Variants in RPS20 observed in about 807,000 individuals in gnomAD.
RPS20 encodes ribosomal protein S20.
Under a neutral mutation model 15.3 loss-of-function variants are expected in RPS20, and 3 were observed. The observed-to-expected ratio is 0.20, with a 90% CI of 0.09 to 0.51. The LOEUF is 0.51. Ranked by LOEUF, RPS20 falls within the 20% of genes least tolerant of loss-of-function variation. The pLI is 0.96. For missense variants in RPS20, 67 were observed against 145.9 expected, an observed-to-expected ratio of 0.46 and a Z score of 2.79; for synonymous variants, 62 against 47.8, an observed-to-expected ratio of 1.30 and a Z score of -1.23.
At chr8:56,067,262 T>TACTCATGTTTATTATAGCATTATTCACAA (rs1809635704), downstream of RPS20, 1 of 152,242 alleles carries the variant, frequency 6.6e-6, no homozygotes, top group Non-Finnish European at 1.5e-5. Context: ...CATATTTGCA[T>TACTCATGTTTATTATAGCATTATTCACAA]ACTCATGTTT....
downstream of RPS20, chr8:56,069,783 G>C (rs1376020057): frequency 3.9e-6 from 6 of 1,551,130 alleles, no homozygotes; most frequent in Non-Finnish European, 5.2e-6. Flanking sequence ...TTCTCAAAGT[G>C]TACTGCTGGC....
At chr8:56,070,272 C>T (rs1017282020), downstream of RPS20, among the ~76,000 whole-genome samples, 4 of 152,132 alleles carry the variant, frequency 2.6e-5, no homozygotes, top group African/African-American at 9.7e-5. Context: ...CCTCATTTGG[C>T]ACATAACTGA....
chr8:56,072,084 A>C (rs1265552511), downstream of RPS20, among the ~76,000 whole-genome samples: 1 of 152,156 alleles, frequency 6.6e-6, no homozygotes, highest in African/African-American at 2.4e-5. Flanking sequence ...CTCTACAAAA[A>C]ACAATTAGCT....
downstream of RPS20, among the ~76,000 whole-genome samples, chr8:56,070,452 C>G (rs16920293): frequency 5.6e-3 from 860 of 152,216 alleles, 11 homozygotes; most frequent in African/African-American, 0.019. Context: ...AAATCTAATC[C>G]AGTCTGGGTA....
At chr8:56,070,815 C>T (rs1809733051), downstream of RPS20, among the ~76,000 whole-genome samples, 1 of 151,846 alleles carries the variant, frequency 6.6e-6, no homozygotes, top group Admixed American at 6.6e-5. Flanking sequence ...TGCTAGCTTA[C>T]ATTTCTACAC....
In RPS20 at chr8:56,074,363, C is replaced by T; in HGVS notation, c.3+18G>A. 3 of 1,554,414 alleles carry T rather than the reference C, an allele frequency of 1.9e-6. No individual in the cohort carries two copies. The highest frequency in any genetic ancestry group is 2.6e-6 in the Non-Finnish European group (3 of 1,155,602). On this transcript the variant is annotated intron_variant, in intron 1 of 3. Transcript: ENST00000009589. Reference sequence around the variant, plus strand: ...CCGAGCCCTGCGTTGCGCCGCCCGCCGCCGACTGCCGCCTCACCATGGCTG... The same window carrying T: ...CCGAGCCCTGCGTTGCGCCGCCCGCTGCCGACTGCCGCCTCACCATGGCTG...
rs1467125889 is a variant in RPS20 at position 56,073,762 on chromosome 8, G to A, written c.110C>T (p.Ala37Val). The change falls in exon 3 of 4, where the codon GCT becomes GTT. Residue 37 changes from alanine to valine, a missense_variant. By Grantham distance (64) the Ala-to-Val change is moderately conservative. Coordinates refer to ENST00000009589, the MANE Select transcript of RPS20 (RefSeq NM_001023.4). ...TTCTTTTGCGCCTCTTATCAAGTCA[G>A]CACACACTACAGGAAATAAAAGACC... ...RNVKSLEKVC[A>V]DLIRGAKEKN... 6.2e-7 allele frequency: 1 copy of A among 1,613,746 alleles called. No homozygotes were observed. The highest frequency in any genetic ancestry group is 8.5e-7 in the Non-Finnish European group (1 of 1,179,796).
Position 56,073,816 on chromosome 8 carries a change from G to A in RPS20, c.104-48C>T, listed in dbSNP as rs183075243. On this transcript the variant is annotated intron_variant, in intron 2 of 3. Coordinates refer to ENST00000009589, the MANE Select transcript of RPS20 (RefSeq NM_001023.4). Reference sequence around the variant, plus strand: ...CAGTATAATCGAAACAATTAAAATCGGCTTAAGGCCTTCACTTCTGCTGGC... The same window carrying A: ...CAGTATAATCGAAACAATTAAAATCAGCTTAAGGCCTTCACTTCTGCTGGC... The A allele has an allele frequency of 4.3e-5, 67 of 1,542,704 alleles. No homozygotes were observed. In the East Asian group the frequency reaches 8.5e-4, roughly 20 times the overall value.
downstream of RPS20, among the ~76,000 whole-genome samples, chr8:56,072,067 ACC>A (rs1809776690): frequency 6.6e-6 from 1 of 151,970 alleles, no homozygotes; most frequent in Admixed American, 6.6e-5. Context: ...ACATGGCAAA[ACC>A]TCACCTCTAC....
Position 56,073,700 on chromosome 8 carries a change from T to C in RPS20, c.172A>G (p.Thr58Ala), listed in dbSNP as rs761646094. 1.2e-6 allele frequency: 2 copies of C among 1,613,460 alleles called. No homozygotes were observed. The change falls in exon 3 of 4, where the codon ACC (threonine) becomes GCC (alanine). Residue 58 changes from threonine (T) to alanine (A), a missense_variant. Coordinates refer to ENST00000009589, the MANE Select transcript of RPS20 (RefSeq NM_001023.4). Reference sequence around the variant, plus strand: ...GCCCCTCCGATTTACTTTACCTTGGTAGGCATTCGAACTGGTCCTTTCACT... The same window carrying C: ...GCCCCTCCGATTTACTTTACCTTGGCAGGCATTCGAACTGGTCCTTTCACT... ...LKVKGPVRMPTKTLRITTRKT... is the reference protein window; with the variant it reads ...LKVKGPVRMPAKTLRITTRKT...
downstream of RPS20, chr8:56,069,590 C>T (rs965823166): frequency 1.4e-5 from 11 of 780,000 alleles, no homozygotes; most frequent in African/African-American, 1.5e-4. Flanking sequence ...TGAGCCACCC[C>T]GCCCAGCCAT....
At chr8:56,071,188 C>G (rs1389848440), downstream of RPS20, among the ~76,000 whole-genome samples, 1 of 152,188 alleles carries the variant, frequency 6.6e-6, no homozygotes, top group Non-Finnish European at 1.5e-5. Context: ...AGCTGTCCTT[C>G]CACTATTTTC....
chr8:56,067,891 T>C (rs1393288934), exon 6 of RPS20: 1 of 152,106 alleles, frequency 6.6e-6, no homozygotes, highest in Non-Finnish European at 1.5e-5. Context: ...AGTTAGTGTT[T>C]AATGGGTAAG....
chr8:56,071,695 G>A (rs528389108), downstream of RPS20, among the ~76,000 whole-genome samples: 2 of 152,322 alleles, frequency 1.3e-5, no homozygotes, highest in South Asian at 4.1e-4. Flanking sequence ...GGTTGCAGGT[G>A]CCTAGCATGC....
chr8:56,071,658 T>G (rs1809759075), downstream of RPS20, among the ~76,000 whole-genome samples: 1 of 152,184 alleles, frequency 6.6e-6, no homozygotes, highest in African/African-American at 2.4e-5. Flanking sequence ...AAGATTTCAT[T>G]TTAGACACAT....
chr8:56,074,017 T>A (rs374160590), intron 2 of RPS20, 43 bp downstream of exon 2: 1 of 1,470,734 alleles, frequency 6.8e-7, no homozygotes, highest in African/African-American at 1.4e-5. Flanking sequence ...CTCGTCGCTT[T>A]TCGCCCAATT....
chr8:56,073,372 T>C lies in RPS20; in HGVS notation c.178-100A>G, dbSNP rs570923381. ...TTCTAATCATTTCATTAGTTTCCCT[T>C]TGGTATGATTCCAATTTACACTAAT... On this transcript the variant is annotated intron_variant, in intron 3 of 3. Transcript: ENST00000009589. The C allele has an allele frequency of 1.7e-4, 140 of 826,036 alleles. 3 individuals are homozygous for C. In the South Asian group the frequency reaches 2.2e-3, roughly 13 times the overall value. The allele number at this position is 826,036 out of a possible 1,614,324, so 51.2% of individuals were successfully genotyped here. A position where few individuals can be genotyped will look rare whatever the true frequency, so the allele number is the denominator to read the frequency against.
chr8:56,073,594 C>A, intron 3 of RPS20, 101 bp downstream of exon 3: 1 of 909,212 alleles, frequency 1.1e-6, no homozygotes, highest in Admixed American at 1.7e-5. Context: ...TTGTAGACAG[C>A]ATCAGTGTTA....
Position 56,074,126 on chromosome 8 carries a change from G to A in RPS20, c.37C>T (p.Pro13Ser), listed in dbSNP as rs1266062476. Residue 13 changes from proline to serine, a missense_variant, in exon 2 of 4, where the codon CCG becomes TCG. Coordinates refer to ENST00000009589, the MANE Select transcript of RPS20 (RefSeq NM_001023.4). ...CGAATTCGGTGAATTGCCACCTCCG[G>A]CTCCACGGGTGTTTTTCCGGTATCC... ...FKDTGKTPVE[P>S]EVAIHRIRIT... is the part of the protein sequence containing the mutation. 1 of 1,613,530 alleles carries A rather than the reference G, an allele frequency of 6.2e-7. No homozygotes were observed. The highest frequency in any genetic ancestry group is 1.3e-5 in the African/African-American group (1 of 75,014).
Sources: allele counts gnomAD v4.1 joint callset (sites outside exome capture counted in the v4.1 genomes callset), GRCh38; gene constraint gnomAD v4.1.1; transcripts MANE v1.5; gene names NCBI Gene and HGNC (gene_info 2026-07-23, HGNC 2026-07-21).